The following TRIM71 variants were observed in gnomAD, a reference collection of about 807,000 sequenced individuals.
TRIM71 encodes the protein tripartite motif containing 71.
TRIM71 carries 9 observed loss-of-function variants against 61.2 expected under a neutral mutation model. The observed-to-expected ratio is 0.15, with a 90% confidence interval of 0.09 to 0.26. TRIM71 has a LOEUF of 0.26. Ranked by LOEUF, TRIM71 falls within the 10% of genes least tolerant of loss-of-function variation. The probability of loss-of-function intolerance (pLI) is 1.00; values close to 1 mark genes in which losing one functional copy is unlikely to be tolerated. For synonymous variants in TRIM71, 645 were observed against 553.2 expected (o/e 1.17, Z -2.33); for missense variants, 998 against 1,238.7 (o/e 0.81, Z 2.92).
At chr3:32,833,940 G>A (rs1480723653) in intron 1 of TRIM71, among the ~76,000 whole-genome samples, 1 of 152,088 alleles carries the variant, frequency 6.6e-6, no homozygotes, top group Non-Finnish European at 1.5e-5. Flanking sequence ...AAAACAACAG[G>A]TTTTTACTTC....
intron 2 of TRIM71, among the ~76,000 whole-genome samples, chr3:32,885,360 G>T (rs1250018639): frequency 1.3e-5 from 2 of 151,990 alleles, no homozygotes; most frequent in African/African-American, 4.8e-5. Flanking sequence ...ACGTGTAGAT[G>T]GTCTCTGACC....
chr3:32,866,624 A>C (rs1380155968), intron 1 of TRIM71, among the ~76,000 whole-genome samples: 1 of 152,124 alleles, frequency 6.6e-6, no homozygotes, highest in Non-Finnish European at 1.5e-5. Context: ...AGGCTCCGAG[A>C]CTTTGGACAG....
chr3:32,820,817 G>A (rs1696118681), intron 1 of TRIM71, among the ~76,000 whole-genome samples: 1 of 152,226 alleles, frequency 6.6e-6, no homozygotes, highest in Non-Finnish European at 1.5e-5. Flanking sequence ...GAGGTACTCG[G>A]AAGCTCTTCA....
chr3:32,878,504 A>G (rs1410165537), intron 2 of TRIM71, among the ~76,000 whole-genome samples: 1 of 152,194 alleles, frequency 6.6e-6, no homozygotes, highest in Non-Finnish European at 1.5e-5. Context: ...AATCCCAGCT[A>G]CTTGGGAGGC....
chr3:32,837,087 T>A (rs759412575), intron 1 of TRIM71, among the ~76,000 whole-genome samples: 8 of 142,050 alleles, frequency 5.6e-5, no homozygotes, highest in Admixed American at 2.1e-4. Context: ...AAACTTGAAG[T>A]AGATTAAGAA....
At chr3:32,834,784 G>GGT (rs1696313757) in intron 1 of TRIM71, among the ~76,000 whole-genome samples, 1 of 152,152 alleles carries the variant, frequency 6.6e-6, no homozygotes, top group Non-Finnish European at 1.5e-5. Context: ...GGAGGTTGCA[G>GGT]TGAGCCGAGA....
chr3:32,865,348 A>C (rs1696720630), intron 1 of TRIM71, among the ~76,000 whole-genome samples: 1 of 152,058 alleles, frequency 6.6e-6, no homozygotes, highest in African/African-American at 2.4e-5. Context: ...AAAAACAAGC[A>C]AACAAAAACA....
At chr3:32,870,600 A>G (rs1033503474) in intron 1 of TRIM71, among the ~76,000 whole-genome samples, 1 of 152,250 alleles carries the variant, frequency 6.6e-6, no homozygotes, top group East Asian at 1.9e-4. Context: ...CATACCGGCC[A>G]CTACCTGTTC....
At chr3:32,820,341 A>T (rs565836474) in intron 1 of TRIM71, among the ~76,000 whole-genome samples, 1 of 152,308 alleles carries the variant, frequency 6.6e-6, no homozygotes, top group Admixed American at 6.5e-5. Context: ...TTGAAATTCT[A>T]ATCTACTTGT....
chr3:32,850,232 G>A (rs1014218812), intron 1 of TRIM71, among the ~76,000 whole-genome samples: 6 of 152,024 alleles, frequency 3.9e-5, no homozygotes, highest in African/African-American at 1.2e-4. Context: ...GGTGGTTAGC[G>A]GGTGAAGTTT....
intron 1 of TRIM71, among the ~76,000 whole-genome samples, chr3:32,873,092 C>CCTCT (rs1397120110): frequency 6.7e-6 from 1 of 149,826 alleles, no homozygotes; most frequent in Admixed American, 6.6e-5. Context: ...TCCCTCCCTC[C>CCTCT]CTCCCAGCGT....
At chr3:32,835,730 G>A (rs1696327808) in intron 1 of TRIM71, among the ~76,000 whole-genome samples, 1 of 152,018 alleles carries the variant, frequency 6.6e-6, no homozygotes, top group Admixed American at 6.5e-5. Context: ...TTTTATCCTA[G>A]GAAGTAACTT....
intron 2 of TRIM71, among the ~76,000 whole-genome samples, chr3:32,875,861 AAGAATTGAGATCATGCCTCTTAAC>A (rs1344892607): frequency 1.3e-5 from 2 of 152,134 alleles, no homozygotes; most frequent in Admixed American, 6.6e-5. Flanking sequence ...GAAAGTGCTA[AAGAATTGAGATCATGCCTCTTAAC>A]AGAAGAGGGA....
chr3:32,849,578 C>T (rs529803403), intron 1 of TRIM71, among the ~76,000 whole-genome samples: 9 of 151,922 alleles, frequency 5.9e-5, no homozygotes, highest in South Asian at 2.1e-4. Flanking sequence ...GGGCTGGTCT[C>T]GAACTCCTGG....
chr3:32,860,625 G>A (rs1216514709), intron 1 of TRIM71, among the ~76,000 whole-genome samples: 5 of 152,160 alleles, frequency 3.3e-5, no homozygotes, highest in Admixed American at 3.3e-4. Context: ...CTCTTGGGGA[G>A]GTGGGACGAC....
chr3:32,852,819 CAT>C (rs909590336), intron 1 of TRIM71, among the ~76,000 whole-genome samples: 1 of 148,134 alleles, frequency 6.8e-6, no homozygotes, highest in African/African-American at 2.5e-5. Flanking sequence ...AATAATGAAA[CAT>C]GTAGCTTTGT....
rs745966765 is a variant in TRIM71 at position 32,891,536 on chromosome 3, T to A, written c.2332T>A (p.Cys778Ser). 6.2e-7 allele frequency: 1 copy of A among 1,613,528 alleles called. No homozygotes were observed. Among genetic ancestry groups the A allele is most frequent in the Non-Finnish European group, 8.5e-7 (1 of 1,179,706 alleles). The change falls in exon 4 of 4, where the codon TGC becomes AGC. Residue 778 changes from cysteine to serine, a missense_variant. Coordinates refer to ENST00000383763, the MANE Select transcript of TRIM71 (RefSeq NM_001039111.3). The surrounding 1 kb of genome is among the most constrained non-coding windows in gnomAD (Gnocchi z 8.2). Reference sequence around the variant, plus strand: ...CCGGCTCCTGGTTATTCACCCCGACTGCCAGTCGGCACGCTTTCTGGGCTC... The same window carrying A: ...CCGGCTCCTGGTTATTCACCCCGACAGCCAGTCGGCACGCTTTCTGGGCTC... Reference protein sequence around the residue: ...NHRLLVIHPDCQSARFLGSEG... With the variant: ...NHRLLVIHPDSQSARFLGSEG...
chr3:32,872,095 C>T (rs780479671), intron 1 of TRIM71, among the ~76,000 whole-genome samples: 13 of 152,186 alleles, frequency 8.5e-5, no homozygotes, highest in South Asian at 2.1e-4. Flanking sequence ...TGCAGTGAGC[C>T]GAGATCGCGT....
chr3:32,848,736 C>T (rs551488265), intron 1 of TRIM71, among the ~76,000 whole-genome samples: 1 of 152,118 alleles, frequency 6.6e-6, no homozygotes, highest in South Asian at 2.1e-4. Context: ...CTGAATGAAA[C>T]CTGGGGCAGT....
Sources: allele counts gnomAD v4.1 joint callset (sites outside exome capture counted in the v4.1 genomes callset), GRCh38; gene constraint gnomAD v4.1.1; non-coding constraint Gnocchi (gnomAD v3.1); transcripts MANE v1.5; gene names NCBI Gene and HGNC (gene_info 2026-07-23, HGNC 2026-07-21).